KCNMA1: variants seen among roughly 807,000 people sequenced by gnomAD.
KCNMA1 encodes the protein potassium calcium-activated channel subfamily M alpha 1.
In KCNMA1, 29 loss-of-function variants were observed where a neutral mutation model predicts 140.0. The observed-to-expected ratio is 0.21, with a 90% CI of 0.15 to 0.28. KCNMA1 has a LOEUF of 0.28. KCNMA1 is among the 10% of genes least tolerant of loss of function. The probability of loss-of-function intolerance (pLI) is 1.00; values close to 1 mark genes in which losing one functional copy is unlikely to be tolerated. For synonymous variants in KCNMA1, 612 were observed against 611.9 expected, an observed-to-expected ratio of 1.00 and a Z score of 0.00; for missense variants, 880 against 1,602.2, an observed-to-expected ratio of 0.55 and a Z score of 7.70.
intron 15 of KCNMA1, among the ~76,000 whole-genome samples, chr10:77,031,637 A>T (rs926925332): frequency 6.6e-6 from 1 of 152,346 alleles, no homozygotes; most frequent in East Asian, 1.9e-4. Context: ...GAGTTGGCCA[A>T]TGTCACAATC....
chr10:77,066,467 T>G (rs2095954119), intron 14 of KCNMA1, among the ~76,000 whole-genome samples: 1 of 152,094 alleles, frequency 6.6e-6, no homozygotes, highest in Admixed American at 6.5e-5. Flanking sequence ...AAGAACAGGT[T>G]TGTGGACAAA....
chr10:77,392,524 A>G (rs1032484233), intron 2 of KCNMA1, among the ~76,000 whole-genome samples: 1 of 152,222 alleles, frequency 6.6e-6, no homozygotes, highest in African/African-American at 2.4e-5. Flanking sequence ...TAGAAAATGC[A>G]AGCATAACAT....
chr10:77,418,169 G>C (rs1022461940), intron 1 of KCNMA1, among the ~76,000 whole-genome samples: 1 of 152,162 alleles, frequency 6.6e-6, no homozygotes, highest in East Asian at 1.9e-4. Context: ...AAGGAGACAG[G>C]ACTTCTTTTT....
intron 25 of KCNMA1, chr10:76,901,985 G>C (rs935792855): frequency 6.6e-6 from 1 of 152,238 alleles, no homozygotes; most frequent in Non-Finnish European, 1.5e-5. Flanking sequence ...TGAATAATTT[G>C]GTGGAAAGAC....
chr10:77,484,091 G>T (rs1434841840), intron 1 of KCNMA1, among the ~76,000 whole-genome samples: 4 of 152,196 alleles, frequency 2.6e-5, no homozygotes, highest in African/African-American at 4.8e-5. Context: ...GGCACCGTGG[G>T]ATTTCTGGCT....
chr10:77,208,268 A>G (rs76886563), intron 3 of KCNMA1, among the ~76,000 whole-genome samples: 1,530 of 152,318 alleles, frequency 0.01, 33 homozygotes, highest in African/African-American at 0.035. Context: ...GCCCAATGTA[A>G]GAGCACTACT....
At chr10:76,983,897 A>T (rs1003976653) in intron 19 of KCNMA1, among the ~76,000 whole-genome samples, 4 of 151,850 alleles carry the variant, frequency 2.6e-5, no homozygotes, top group African/African-American at 4.8e-5. Context: ...CGCAGACCAT[A>T]AAAAAAACAG....
chr10:77,350,644 C>A (rs1296465821), intron 2 of KCNMA1: 1 of 152,196 alleles, frequency 6.6e-6, no homozygotes, highest in African/African-American at 2.4e-5. Context: ...AAAGACACTG[C>A]CAAAATTCCA....
intron 4 of KCNMA1, among the ~76,000 whole-genome samples, chr10:77,184,496 G>T (rs2098831534): frequency 6.6e-6 from 1 of 152,240 alleles, no homozygotes; most frequent in Admixed American, 6.5e-5. Flanking sequence ...GGGATTACAG[G>T]CGTGAGCCAC....
At chr10:77,207,479 T>C (rs2044523870) in intron 3 of KCNMA1, among the ~76,000 whole-genome samples, 1 of 152,170 alleles carries the variant, frequency 6.6e-6, no homozygotes, top group Non-Finnish European at 1.5e-5. Context: ...AATAAGTTTG[T>C]AAAAGGCTTA....
At chr10:77,608,469 G>A (rs928554586) in intron 1 of KCNMA1, among the ~76,000 whole-genome samples, 7 of 152,078 alleles carry the variant, frequency 4.6e-5, no homozygotes, top group South Asian at 2.1e-4. Context: ...TCACCATGCC[G>A]GGCCTGTAGG....
chr10:77,237,163 C>T (rs1157119612), intron 3 of KCNMA1, among the ~76,000 whole-genome samples: 1 of 152,336 alleles, frequency 6.6e-6, no homozygotes, highest in Admixed American at 6.5e-5. Flanking sequence ...AAGAACAATA[C>T]CAATAATATC....
chr10:77,541,552 C>T (rs1270420501), intron 1 of KCNMA1, among the ~76,000 whole-genome samples: 1 of 152,038 alleles, frequency 6.6e-6, no homozygotes, highest in Non-Finnish European at 1.5e-5. Flanking sequence ...ACTCCAAAGC[C>T]CATTCTTGAA....
chr10:77,298,461 C>T (rs1435524041), intron 2 of KCNMA1, among the ~76,000 whole-genome samples: 1 of 152,126 alleles, frequency 6.6e-6, no homozygotes, highest in Non-Finnish European at 1.5e-5. Flanking sequence ...AGGCTCGTCT[C>T]GAACTCCTGA....
chr10:77,524,563 T>G (rs2054841160), intron 1 of KCNMA1, among the ~76,000 whole-genome samples: 1 of 152,196 alleles, frequency 6.6e-6, no homozygotes, highest in Non-Finnish European at 1.5e-5. Flanking sequence ...CAGCCTGAAT[T>G]TAGAAACCTC....
intron 3 of KCNMA1, among the ~76,000 whole-genome samples, chr10:77,194,352 A>G (rs2039703832): frequency 6.6e-6 from 1 of 151,950 alleles, no homozygotes; most frequent in South Asian, 2.1e-4. Context: ...ATTCTGTCTG[A>G]GCCTTCTCCA....
intron 19 of KCNMA1, among the ~76,000 whole-genome samples, chr10:77,000,857 A>ATATATATATAT (rs2086033729): frequency 2.7e-5 from 1 of 36,662 alleles, no homozygotes; most frequent in Non-Finnish European, 5.6e-5. Context: ...GTAAAAAGAA[A>ATATATATATAT]ATATATATAT....
chr10:77,381,349 G>T (rs567508497), intron 2 of KCNMA1, among the ~76,000 whole-genome samples: 1 of 152,256 alleles, frequency 6.6e-6, no homozygotes, highest in South Asian at 2.1e-4. Flanking sequence ...AGGGAATGGG[G>T]ATAATTTAAA....
At chr10:76,977,455 C>T in intron 19 of KCNMA1, 1 of 669,780 alleles carries the variant, frequency 1.5e-6, no homozygotes, top group Non-Finnish European at 2.7e-6. Context: ...ACCAGCCATC[C>T]CTGGCTGCTT....
Sources: gnomAD v4.1 joint callset for allele counts (sites outside exome capture counted in the v4.1 genomes callset) on GRCh38, gnomAD v4.1.1 for gene constraint, MANE v1.5 for transcripts, NCBI Gene and HGNC (gene_info 2026-07-23, HGNC 2026-07-21) for gene names.